Variants in PIEZO2 observed in about 807,000 individuals in gnomAD.
PIEZO2 encodes the protein piezo type mechanosensitive ion channel component 2.
PIEZO2 carries 172 observed loss-of-function variants against 337.3 expected under a neutral mutation model. The observed-to-expected ratio is 0.51, with a 90% CI of 0.45 to 0.58. The LOEUF is 0.58. Among genes scored for constraint, PIEZO2 ranks in the 20% least tolerant of loss-of-function variants. The pLI, the probability that PIEZO2 is intolerant of heterozygous loss-of-function variation, is 0.00. For synonymous variants in PIEZO2, 1,251 were observed against 1,228.5 expected (o/e 1.02, Z -0.38); for missense variants, 3,028 against 3,391.3 (o/e 0.89, Z 2.66).
intron 7 of PIEZO2, among the ~76,000 whole-genome samples, chr18:10,814,166 T>C (rs1183722250): frequency 6.6e-6 from 1 of 152,016 alleles, no homozygotes; most frequent in Non-Finnish European, 1.5e-5. Flanking sequence ...AGACAGGGTT[T>C]CACTGTGTTA....
intron 1 of PIEZO2, among the ~76,000 whole-genome samples, chr18:11,093,284 A>G (rs184741845): frequency 2.7e-4 from 41 of 152,356 alleles, no homozygotes; most frequent in Admixed American, 1.8e-3. Context: ...CCAACACCCT[A>G]CATGGCAAAC....
chr18:11,006,371 A>G (rs998346891), intron 2 of PIEZO2, among the ~76,000 whole-genome samples: 1 of 152,198 alleles, frequency 6.6e-6, no homozygotes, highest in Non-Finnish European at 1.5e-5. Context: ...GAAATATATC[A>G]GGTGAAGCTC....
chr18:10,759,966 T>C lies in PIEZO2; in HGVS notation c.3451-57A>G. ...AAATCAGGCATATGGGAAAGGGGAC[T>C]GGTGATAGGTGTCAGGTCTGTGTAG... On this transcript the variant is annotated intron_variant, in intron 24 of 55. Coordinates refer to ENST00000674853, the MANE Select transcript of PIEZO2 (RefSeq NM_001378183.1). The surrounding 1 kb of genome is among the most constrained non-coding windows in gnomAD (Gnocchi z 5.5). The C allele has an allele frequency of 7.3e-7, 1 of 1,374,236 alleles. No homozygotes were observed. The highest frequency in any genetic ancestry group is 1.0e-6 in the Non-Finnish European group (1 of 1,001,190). The allele number at this position is 1,374,236 out of a possible 1,614,324, so 85.1% of individuals were successfully genotyped here.
Position 11,133,872 on chromosome 18 carries a change from C to CTA in PIEZO2, c.64+14651_64+14652dup, listed in dbSNP as rs1417426309. Among the ~76,000 whole-genome samples the CTA allele has an allele frequency of 1.8e-4, 27 of 151,020 alleles. No individual in the cohort carries two copies. The East Asian group carries it at 3.1e-3, about 17-fold the overall frequency. The stretch of plus-strand genomic sequence containing the variant: ...ATACACTTAATAAACTCCTCTCTCT[C>CTA]TATATATATATACATATACACACAC... On this transcript the variant is annotated intron_variant, in intron 1 of 55. Coordinates refer to ENST00000674853, the MANE Select transcript of PIEZO2 (RefSeq NM_001378183.1).
intron 7 of PIEZO2, among the ~76,000 whole-genome samples, chr18:10,838,129 T>C (rs1364694866): frequency 6.6e-6 from 1 of 152,196 alleles, no homozygotes; most frequent in African/African-American, 2.4e-5. Context: ...AAGGTATCTT[T>C]CCAGCAAGTT....
chr18:11,047,381 G>A lies in PIEZO2; in HGVS notation c.160+18746C>T, dbSNP rs533369974. Among the ~76,000 whole-genome samples the A allele has an allele frequency of 2.0e-5, 3 of 152,278 alleles. No individual in the cohort carries two copies. The South Asian group carries it at 6.2e-4, about 32-fold the overall frequency. On this transcript the variant is annotated intron_variant, in intron 2 of 55. Transcript: ENST00000674853. This position sits in a 1 kb window ranked among gnomAD's most constrained non-coding sequence, Gnocchi z 7.2. The stretch of plus-strand genomic sequence containing the variant: ...AATGGAGTAGGAGCGAGGGAGCCGC[G>A]CAGTGCAGCAAAGGCTCCTGCCTAT...
In PIEZO2 at chr18:10,800,464, C is replaced by T. The variant is rs1289126711; in HGVS notation, c.1251G>A (p.Val417=). The T allele has an allele frequency of 1.3e-6, 2 of 1,530,660 alleles. No individual in the cohort carries two copies. The highest frequency in any genetic ancestry group is 2.0e-5 in the Admixed American group (1 of 49,566). 94.8% of individuals were successfully genotyped at this position (1,530,660 alleles called of 1,614,324 possible). A position where few individuals can be genotyped will look rare whatever the true frequency, so the allele number is the denominator to read the frequency against. ...DDYKPSDGLL[V]TVNGNPVDYH... ...AATCCACGGGGTTGCCGTTCACAGT[C>T]ACCAGCAGGCCCTGCCGGGAGTGCA... The change falls in exon 11 of 56, where the codon GTG becomes GTA. Residue 417 remains valine (V), a synonymous_variant. Transcript: ENST00000674853.
At chr18:10,791,395 A>T (rs1053444775) in intron 13 of PIEZO2, 71 bp from the exon 14 acceptor site, 3 of 1,391,114 alleles carry the variant, frequency 2.2e-6, no homozygotes, top group Non-Finnish European at 2.8e-6. Flanking sequence ...AACAAATGTA[A>T]CATTTTCTCC....
intron 14 of PIEZO2, among the ~76,000 whole-genome samples, chr18:10,790,705 CTTTTT>C (rs34016331): frequency 2.3e-5 from 3 of 127,894 alleles, no homozygotes; most frequent in African/African-American, 5.9e-5. Flanking sequence ...TCAAATGGCA[CTTTTT>C]TTTTTTTTTT....
intron 4 of PIEZO2, among the ~76,000 whole-genome samples, chr18:10,901,957 C>A (rs546827400): frequency 2.0e-5 from 3 of 152,068 alleles, no homozygotes; most frequent in Admixed American, 1.3e-4. Flanking sequence ...GTAGGGGTCC[C>A]AACCCCTGGG....
At chr18:10,906,643 C>T (rs1451511412) in intron 4 of PIEZO2, among the ~76,000 whole-genome samples, 1 of 152,104 alleles carries the variant, frequency 6.6e-6, no homozygotes, top group Non-Finnish European at 1.5e-5. Context: ...TCACTGCAAC[C>T]TCCGCCTCCT....
rs537115743 is a variant in PIEZO2 at position 10,675,848 on chromosome 18, T to C, written c.8082-560A>G. The stretch of plus-strand genomic sequence containing the variant: ...GTGATAGTGAATAAGTCTCATGAAA[T>C]CTGATGGTTTTATAAAGGGCAGTTC... On this transcript the variant is annotated intron_variant, in intron 53 of 55. Transcript: ENST00000674853. 8.5e-5 allele frequency among the ~76,000 whole-genome samples: 13 copies of C among 152,180 alleles called. No homozygotes were observed. The East Asian group carries it at 2.5e-3, about 29-fold the overall frequency.
chr18:11,020,065 A>G (rs771084199), intron 2 of PIEZO2, among the ~76,000 whole-genome samples: 24 of 152,214 alleles, frequency 1.6e-4, no homozygotes, highest in Non-Finnish European at 3.4e-4. Context: ...ATATGAATTA[A>G]ATTAGAAACT....
intron 33 of PIEZO2, chr18:10,738,426 A>G (rs938814608): frequency 9.9e-5 from 15 of 152,230 alleles, no homozygotes; most frequent in Non-Finnish European, 2.1e-4. Context: ...CATTGATTTT[A>G]CCATTAGAAA....
At chr18:11,142,750 C>A (rs1297718658) in intron 1 of PIEZO2, among the ~76,000 whole-genome samples, 1 of 142,044 alleles carries the variant, frequency 7.0e-6, no homozygotes, top group Non-Finnish European at 1.5e-5. Context: ...CACTGCACTG[C>A]AGCCTAGGCA....
Position 10,837,158 on chromosome 18 carries a change from G to T in PIEZO2, c.917+18195C>A, listed in dbSNP as rs937636185. Among the ~76,000 whole-genome samples, 2 of 152,236 alleles carry T rather than the reference G, an allele frequency of 1.3e-5. No homozygotes were observed. Among genetic ancestry groups the T allele is most frequent in the Non-Finnish European group, 2.9e-5 (2 of 68,040 alleles). On this transcript the variant is annotated intron_variant, in intron 7 of 55. Coordinates refer to ENST00000674853, the MANE Select transcript of PIEZO2 (RefSeq NM_001378183.1). The surrounding 1 kb of genome is among the most constrained non-coding windows in gnomAD (Gnocchi z 4.4). ...GCCAAGAAGCATGTGAGGAGGAGGG[G>T]ATGGTGTGCACTCCTGTTGTGGACG...
rs903732468 is a variant in PIEZO2 at position 10,942,856 on chromosome 18, C to A, written c.287-31628G>T. Among the ~76,000 whole-genome samples, 1 of 152,152 alleles carries A rather than the reference C, an allele frequency of 6.6e-6. No individual in the cohort carries two copies. Among genetic ancestry groups the A allele is most frequent in the African/African-American group, 2.4e-5 (1 of 41,442 alleles). On this transcript the variant is annotated intron_variant, in intron 3 of 55. Coordinates refer to ENST00000674853, the MANE Select transcript of PIEZO2 (RefSeq NM_001378183.1). The surrounding 1 kb of genome is among the most constrained non-coding windows in gnomAD (Gnocchi z 4.4). The stretch of plus-strand genomic sequence containing the variant: ...TGATTTAGTAGGCCAGGCTCAGGGT[C>A]CCCGTGCTGTGTGCAGCCTAGGGAA...
chr18:10,966,804 T>C (rs1012305659), intron 3 of PIEZO2, among the ~76,000 whole-genome samples: 49 of 152,184 alleles, frequency 3.2e-4, no homozygotes, highest in African/African-American at 1.1e-3. Flanking sequence ...CCAAAGTCCA[T>C]TGTATCATTC....
intron 1 of PIEZO2, among the ~76,000 whole-genome samples, chr18:11,121,602 C>T (rs2040029467): frequency 6.6e-6 from 1 of 152,186 alleles, no homozygotes; most frequent in Non-Finnish European, 1.5e-5. Flanking sequence ...TGAGTTCATT[C>T]TCACATATCT....
Sources: gnomAD v4.1 joint callset for allele counts (sites outside exome capture counted in the v4.1 genomes callset) on GRCh38, gnomAD v4.1.1 for gene constraint, Gnocchi (gnomAD v3.1) non-coding constraint, MANE v1.5 for transcripts, NCBI Gene and HGNC (gene_info 2026-07-23, HGNC 2026-07-21) for gene names.